The following SRPK1 variants were observed in gnomAD, a reference collection of about 807,000 sequenced individuals.
The protein encoded by SRPK1 is SRSF protein kinase 1.
In SRPK1, 52 loss-of-function variants were observed where a neutral mutation model predicts 89.5. The observed-to-expected ratio is 0.58, with a 90% CI of 0.46 to 0.73. The LOEUF (loss-of-function observed/expected upper bound fraction) is 0.73, where lower values mean the gene tolerates loss of function less well. SRPK1 is among the 30% of genes least tolerant of loss of function. The probability of loss-of-function intolerance (pLI) is 0.00; values close to 1 mark genes in which losing one functional copy is unlikely to be tolerated. For synonymous variants in SRPK1, 255 were observed against 270.2 expected (o/e 0.94, Z 0.55); for missense variants, 603 against 780.6 (o/e 0.77, Z 2.71).
intron 12 of SRPK1, among the ~76,000 whole-genome samples, chr6:35,865,820 C>T (rs1438952937): frequency 6.6e-6 from 1 of 151,946 alleles, no homozygotes; most frequent in Non-Finnish European, 1.5e-5. Context: ...GAATATAAGA[C>T]CTGAAACTCA....
chr6:35,918,882 G>A (rs894406152), intron 2 of SRPK1, among the ~76,000 whole-genome samples: 7 of 152,118 alleles, frequency 4.6e-5, no homozygotes, highest in Admixed American at 4.6e-4. Context: ...AGCTTGATTT[G>A]GGCTAATCTC....
intron 6 of SRPK1, among the ~76,000 whole-genome samples, chr6:35,875,799 C>T (rs1264006391): frequency 1.3e-5 from 2 of 152,110 alleles, no homozygotes; most frequent in Non-Finnish European, 2.9e-5. Flanking sequence ...TATCATTCCA[C>T]AGATTGCTTA....
intron 2 of SRPK1, among the ~76,000 whole-genome samples, chr6:35,907,984 G>A (rs373845488): frequency 7.9e-5 from 12 of 152,190 alleles, no homozygotes; most frequent in South Asian, 6.2e-4. Context: ...CTGCCACCTT[G>A]TGAAGAAGGT....
chr6:35,896,395 T>C (rs1386648678), intron 2 of SRPK1, among the ~76,000 whole-genome samples: 1 of 152,232 alleles, frequency 6.6e-6, no homozygotes, highest in Non-Finnish European at 1.5e-5. Context: ...GAAGTTTTCC[T>C]ACTCAAGGTA....
chr6:35,916,250 T>A (rs76895300), intron 2 of SRPK1, among the ~76,000 whole-genome samples: 15,990 of 120,392 alleles, frequency 0.13, 1,812 homozygotes, highest in African/African-American at 0.31. Context: ...ATAAATTAAT[T>A]AATTAATTAA....
chr6:35,904,742 T>G, intron 2 of SRPK1: 1 of 163,376 alleles, frequency 6.1e-6, no homozygotes, highest in Non-Finnish European at 1.3e-5. Flanking sequence ...GAGGTGGAGG[T>G]TGTGGTGAGC....
intron 7 of SRPK1, 72 bp downstream of exon 7, chr6:35,874,161 C>T (rs1357232683): frequency 7.8e-7 from 1 of 1,276,958 alleles, no homozygotes; most frequent in Non-Finnish European, 1.1e-6. Flanking sequence ...AAATAAAGTC[C>T]TGACACTTCA....
At chr6:35,881,449 AGATAT>A (rs1770287430) in intron 6 of SRPK1, among the ~76,000 whole-genome samples, 98 of 89,054 alleles carry the variant, frequency 1.1e-3, no homozygotes, top group African/African-American at 2.8e-3. Context: ...ATATAGATAT[AGATAT>A]AGATATAGAT....
chr6:35,843,093 C>T (rs1051311334), intron 13 of SRPK1, among the ~76,000 whole-genome samples: 9 of 151,116 alleles, frequency 6.0e-5, no homozygotes, highest in South Asian at 2.1e-4. Flanking sequence ...CTCAGCCTCC[C>T]GAGTAGCTGG....
intron 13 of SRPK1, among the ~76,000 whole-genome samples, chr6:35,846,053 T>G (rs1021475817): frequency 2.6e-5 from 4 of 152,100 alleles, no homozygotes; most frequent in Non-Finnish European, 5.9e-5. Flanking sequence ...ATTTAAAAGG[T>G]TGCCAAAGAA....
chr6:35,890,186 C>T (rs1289599021), intron 3 of SRPK1, among the ~76,000 whole-genome samples: 2 of 152,170 alleles, frequency 1.3e-5, no homozygotes, highest in Non-Finnish European at 2.9e-5. Flanking sequence ...TCGCTTGAAT[C>T]CAGGAGTCAG....
Position 35,874,065 on chromosome 6 carries a change from G to A in SRPK1, c.585+168C>T, listed in dbSNP as rs895582322. ...GATGGTCTTGATCTCCTGACCTCGT[G>A]ATCTGCCCGCCTCGGCCTCCCAAAG... is the stretch of plus-strand genomic sequence containing the variant. On this transcript the variant is annotated intron_variant, in intron 7 of 15. Transcript: ENST00000373825. Among the ~76,000 whole-genome samples the A allele has an allele frequency of 9.2e-5, 14 of 151,728 alleles. No homozygotes were observed. The South Asian group carries it at 2.9e-3, about 32-fold the overall frequency.
intron 9 of SRPK1, 51 bp from the exon 10 acceptor site, chr6:35,870,545 C>T (rs914791195): frequency 2.7e-5 from 40 of 1,480,088 alleles, no homozygotes; most frequent in Non-Finnish European, 3.5e-5. Flanking sequence ...AATTAATTAC[C>T]CCCAGTTGGA....
intron 2 of SRPK1, among the ~76,000 whole-genome samples, chr6:35,919,620 A>T (rs1771184764): frequency 6.6e-6 from 1 of 152,246 alleles, no homozygotes; most frequent in South Asian, 2.1e-4. Flanking sequence ...GTACATGATG[A>T]AAGTTCTTAA....
intron 3 of SRPK1, 132 bp downstream of exon 3, chr6:35,890,763 T>A (rs1442926913): frequency 2.9e-6 from 2 of 698,176 alleles, no homozygotes; most frequent in African/African-American, 1.8e-5. Context: ...CAAATACTAT[T>A]TCCTATGTTT....
intron 12 of SRPK1, among the ~76,000 whole-genome samples, chr6:35,858,026 A>C (rs914706618): frequency 2.6e-5 from 4 of 152,214 alleles, no homozygotes; most frequent in Non-Finnish European, 4.4e-5. Flanking sequence ...CTTTCCTATC[A>C]CATTTGAATA....
chr6:35,844,232 T>C (rs991398968), intron 13 of SRPK1, among the ~76,000 whole-genome samples: 8 of 152,152 alleles, frequency 5.3e-5, no homozygotes, highest in Non-Finnish European at 7.4e-5. Flanking sequence ...CTCGATCTCC[T>C]GACCTCGTGA....
At chr6:35,854,987 G>A (rs1043961281) in intron 13 of SRPK1, among the ~76,000 whole-genome samples, 2 of 152,024 alleles carry the variant, frequency 1.3e-5, no homozygotes, top group African/African-American at 4.8e-5. Flanking sequence ...CCTTACTTCA[G>A]ACAGTTCACC....
rs1213358332 is a variant in SRPK1, at chr6:35,835,147, A to G, written c.*157T>C. On this transcript the variant is annotated 3_prime_UTR_variant, in exon 16 of 16. Coordinates refer to ENST00000373825, the MANE Select transcript of SRPK1 (RefSeq NM_003137.5). ...GGCTGTGGGGATCTCCACAGGGTCAAGTAAGCAAACCCAAATGAACATGTT... is the reference window on the plus strand; with the variant it reads ...GGCTGTGGGGATCTCCACAGGGTCAGGTAAGCAAACCCAAATGAACATGTT... 1.4e-6 allele frequency: 1 copy of G among 729,820 alleles called. No individual in the cohort carries two copies. The highest frequency in any genetic ancestry group is 2.1e-6 in the Non-Finnish European group (1 of 471,650). The allele number at this position is 729,820 out of a possible 1,614,324, so 45.2% of individuals were successfully genotyped here. A position where few individuals can be genotyped will look rare whatever the true frequency, so the allele number is the denominator to read the frequency against.
Sources: allele counts gnomAD v4.1 joint callset (sites outside exome capture counted in the v4.1 genomes callset), GRCh38; gene constraint gnomAD v4.1.1; transcripts MANE v1.5; gene names NCBI Gene and HGNC (gene_info 2026-07-23, HGNC 2026-07-21).